The following RBPMS variants were observed in gnomAD, a reference collection of about 807,000 sequenced individuals.
The protein encoded by RBPMS is RNA binding protein, mRNA processing factor.
A neutral mutation model predicts 26.8 loss-of-function variants in RBPMS; 7 were observed. The observed-to-expected ratio is 0.26, with a 90% CI of 0.15 to 0.49. The LOEUF (loss-of-function observed/expected upper bound fraction) is 0.49. Among genes scored for constraint, RBPMS ranks in the 20% least tolerant of loss-of-function variants. RBPMS has a pLI of 0.98. For synonymous variants in RBPMS, 96 were observed against 93.3 expected, an observed-to-expected ratio of 1.03 and a Z score of -0.17; for missense variants, 186 against 250.0, an observed-to-expected ratio of 0.74 and a Z score of 1.73.
At chr8:30,439,192 A>T (rs982191390) in intron 1 of RBPMS, among the ~76,000 whole-genome samples, 2 of 152,242 alleles carry the variant, frequency 1.3e-5, no homozygotes, top group Non-Finnish European at 2.9e-5. Flanking sequence ...AGCTGTAGTC[A>T]GTTACTATGC....
intron 5 of RBPMS, among the ~76,000 whole-genome samples, chr8:30,544,229 T>A (rs1825677309): frequency 6.7e-6 from 1 of 150,246 alleles, no homozygotes; most frequent in Admixed American, 6.6e-5. Context: ...CGGAAAGACA[T>A]CAGAGTGTTC....
intron 4 of RBPMS, among the ~76,000 whole-genome samples, chr8:30,494,727 AC>A (rs1819747444): frequency 6.6e-6 from 1 of 152,318 alleles, no homozygotes; most frequent in South Asian, 2.1e-4. Context: ...GTACTCCTAG[AC>A]ACCTAGTTTT....
intron 1 of RBPMS, among the ~76,000 whole-genome samples, chr8:30,438,929 A>G (rs1324600611): frequency 6.6e-6 from 1 of 152,114 alleles, no homozygotes; most frequent in African/African-American, 2.4e-5. Flanking sequence ...GCATGCCACC[A>G]CACCCGGCTA....
At chr8:30,461,374 G>T (rs545202985) in intron 1 of RBPMS, among the ~76,000 whole-genome samples, 157 of 152,122 alleles carry the variant, frequency 1.0e-3, no homozygotes, top group African/African-American at 3.7e-3. Flanking sequence ...TGACCTCATT[G>T]TAGTTTCACA....
chr8:30,525,493 G>GAC (rs2150996058), intron 5 of RBPMS, among the ~76,000 whole-genome samples: 1 of 152,260 alleles, frequency 6.6e-6, no homozygotes, highest in South Asian at 2.1e-4. Context: ...ACATGTAAAT[G>GAC]ATATCCTTTC....
chr8:30,487,018 C>T (rs1429836402), intron 4 of RBPMS, among the ~76,000 whole-genome samples: 1 of 152,146 alleles, frequency 6.6e-6, no homozygotes, highest in Non-Finnish European at 1.5e-5. Context: ...ATCTAATTTG[C>T]CTCTGTTATA....
rs59577795 is a variant in RBPMS, at chr8:30,450,787, CAAAAAAAAAAAA to C, written c.67-23980_67-23969del. 3.0e-3 allele frequency among the ~76,000 whole-genome samples: 261 copies of C among 87,386 alleles called. 3 individuals carry two copies. Among genetic ancestry groups the C allele is most frequent in the African/African-American group, 0.011 (252 of 22,656 alleles). 57.3% of individuals were successfully genotyped at this position (87,386 alleles called of 152,430 possible). ...CTTTTGGTTTCCCACTGCCTGAAAG[CAAAAAAAAAAAA>C]AAAAAAAAAAAGTGTGTTTTTGAAA... On this transcript the variant is annotated intron_variant, in intron 1 of 8. Transcript: ENST00000397323.
chr8:30,418,649 T>A (rs1319882810), intron 1 of RBPMS, among the ~76,000 whole-genome samples: 3 of 152,018 alleles, frequency 2.0e-5, no homozygotes, highest in African/African-American at 7.3e-5. Context: ...CGTGATCTTG[T>A]CTCACTGCAA....
chr8:30,512,538 G>T (rs1371435529), intron 5 of RBPMS, among the ~76,000 whole-genome samples: 2 of 151,990 alleles, frequency 1.3e-5, no homozygotes, highest in Non-Finnish European at 2.9e-5. Context: ...GGAGTACAGT[G>T]GTGCAATCAT....
chr8:30,538,097 A>C (rs1563425061), intron 5 of RBPMS, among the ~76,000 whole-genome samples: 1 of 152,216 alleles, frequency 6.6e-6, no homozygotes, highest in Admixed American at 6.5e-5. Flanking sequence ...ACCAAGGTCC[A>C]TGATAGAGAG....
chr8:30,560,391 C>T (rs1827357578), intron 7 of RBPMS, among the ~76,000 whole-genome samples: 2 of 152,122 alleles, frequency 1.3e-5, no homozygotes, highest in Admixed American at 6.5e-5. Flanking sequence ...ATGAGAGTGT[C>T]GGAAGCCCAC....
intron 5 of RBPMS, among the ~76,000 whole-genome samples, chr8:30,542,893 C>T (rs149002209): frequency 6.0e-4 from 92 of 152,310 alleles, no homozygotes; most frequent in Non-Finnish European, 1.1e-3. Flanking sequence ...CCTACACACC[C>T]TAGAACACAG....
chr8:30,542,859 T>C (rs762960404), intron 5 of RBPMS, among the ~76,000 whole-genome samples: 16 of 152,150 alleles, frequency 1.1e-4, no homozygotes, highest in Non-Finnish European at 2.2e-4. Flanking sequence ...CTGAGGGTGG[T>C]CCCTAAGCCT....
intron 3 of RBPMS, 84 bp downstream of exon 3, chr8:30,477,921 C>A: frequency 1.0e-6 from 1 of 959,548 alleles, no homozygotes; most frequent in Non-Finnish European, 1.6e-6. Context: ...TTTTTTTATT[C>A]CCATTAGAAT....
At chr8:30,424,863 C>A (rs527682139) in intron 1 of RBPMS, among the ~76,000 whole-genome samples, 2 of 152,200 alleles carry the variant, frequency 1.3e-5, no homozygotes, top group East Asian at 3.9e-4. Context: ...TTTTTTGACA[C>A]TCTTGGATTT....
At chr8:30,536,014 G>C (rs1033268777) in intron 5 of RBPMS, among the ~76,000 whole-genome samples, 7 of 152,016 alleles carry the variant, frequency 4.6e-5, no homozygotes, top group Admixed American at 1.3e-4. Flanking sequence ...ATGAATGAAT[G>C]AATGTCTGCT....
At chr8:30,409,466 T>G (rs551993465) in intron 1 of RBPMS, among the ~76,000 whole-genome samples, 1 of 152,244 alleles carries the variant, frequency 6.6e-6, no homozygotes, top group East Asian at 1.9e-4. Context: ...GTGCTGGGAT[T>G]ACAGGTGTGA....
intron 5 of RBPMS, among the ~76,000 whole-genome samples, chr8:30,506,156 C>G (rs1821051576): frequency 6.6e-6 from 1 of 152,092 alleles, no homozygotes; most frequent in Non-Finnish European, 1.5e-5. Context: ...TAGGAACAAA[C>G]TGGACATTCA....
At chr8:30,460,940 A>G (rs1487799232) in intron 1 of RBPMS, among the ~76,000 whole-genome samples, 1 of 152,024 alleles carries the variant, frequency 6.6e-6, no homozygotes, top group Admixed American at 6.6e-5. Context: ...GGTCCCAGCC[A>G]CTTGGGAAGC....
Sources: allele counts gnomAD v4.1 joint callset (sites outside exome capture counted in the v4.1 genomes callset), GRCh38; gene constraint gnomAD v4.1.1; transcripts MANE v1.5; gene names NCBI Gene and HGNC (gene_info 2026-07-23, HGNC 2026-07-21).